ETV6: variants seen among roughly 807,000 people sequenced by gnomAD.
ETV6 encodes ETS variant transcription factor 6.
A neutral mutation model predicts 51.1 loss-of-function variants in ETV6; 16 were observed. That is an observed-to-expected ratio of 0.31 (90% confidence interval 0.21 to 0.48). The LOEUF (loss-of-function observed/expected upper bound fraction) is 0.48. Among genes scored for constraint, ETV6 ranks in the 20% least tolerant of loss-of-function variants. The pLI is 0.99. For missense variants in ETV6, 458 were observed against 594.8 expected (o/e 0.77, Z 2.39); for synonymous variants, 240 against 224.1 (o/e 1.07, Z -0.64).
chr12:11,686,737 G>A (rs1284931453), intron 1 of ETV6, among the ~76,000 whole-genome samples: 4 of 152,084 alleles, frequency 2.6e-5, no homozygotes, highest in African/African-American at 9.7e-5. Flanking sequence ...CATTTGGCCA[G>A]GCTGGTCTCG....
In ETV6 at chr12:11,653,437, C is replaced by T. The variant is rs186079573; in HGVS notation, c.33+3277C>T. On this transcript the variant is annotated intron_variant, in intron 1 of 7. Coordinates refer to ENST00000396373, the MANE Select transcript of ETV6 (RefSeq NM_001987.5). ...CTCCTTCCCTGCTGTCCGTATCAGT[C>T]AGCTTTCATAGCAGAAGGAAATCTG... is the stretch of plus-strand genomic sequence containing the variant. 2.6e-5 allele frequency among the ~76,000 whole-genome samples: 4 copies of T among 152,332 alleles called. No homozygotes were observed. In the East Asian group the frequency reaches 7.7e-4, roughly 29 times the overall value.
chr12:11,771,183 C>T (rs903377488), intron 2 of ETV6, among the ~76,000 whole-genome samples: 1 of 152,224 alleles, frequency 6.6e-6, no homozygotes, highest in Non-Finnish European at 1.5e-5. Context: ...AAAAATAGTG[C>T]ATTGCAGATA....
In ETV6 at chr12:11,874,565, CGTGTGTACACAT is replaced by C. The variant is rs1946940665; in HGVS notation, c.1009+4597_1009+4608del. ...GTGTACACACATATATGTGTATGTGCGTGTGTACACATATATGTGTGTATACACATATATGTG... is the reference window on the plus strand; with the variant it reads ...GTGTACACACATATATGTGTATGTGCATATGTGTGTATACACATATATGTG... On this transcript the variant is annotated intron_variant, in intron 5 of 7. Coordinates refer to ENST00000396373, the MANE Select transcript of ETV6 (RefSeq NM_001987.5). Among the ~76,000 whole-genome samples the C allele has an allele frequency of 1.2e-3, 2 of 1,604 alleles. 1 individual carries two copies. The highest frequency in any genetic ancestry group is 2.4e-3 in the African/African-American group (2 of 834). The allele number at this position is 1,604 out of a possible 152,430, so 1.1% of individuals were successfully genotyped here. A position where few individuals can be genotyped will look rare whatever the true frequency, so the allele number is the denominator to read the frequency against.
intron 2 of ETV6, among the ~76,000 whole-genome samples, chr12:11,825,436 G>A (rs1404860471): frequency 2.0e-5 from 3 of 152,160 alleles, no homozygotes; most frequent in Non-Finnish European, 4.4e-5. Context: ...AGGAGTCTCT[G>A]GGGAAAAAAC....
intron 1 of ETV6, among the ~76,000 whole-genome samples, chr12:11,682,376 T>G (rs1055039179): frequency 6.6e-6 from 1 of 152,348 alleles, no homozygotes; most frequent in Middle Eastern, 3.4e-3. Flanking sequence ...TTTTGAGAAG[T>G]GTCTGTTCAT....
intron 1 of ETV6, among the ~76,000 whole-genome samples, chr12:11,749,349 A>ACACACACC (rs1555123226): frequency 2.4e-5 from 3 of 123,768 alleles, no homozygotes; most frequent in Non-Finnish European, 5.2e-5. Context: ...ACACACACAC[A>ACACACACC]CCCCTACTCC....
At chr12:11,808,776 G>A (rs1049703378) in intron 2 of ETV6, among the ~76,000 whole-genome samples, 3 of 152,162 alleles carry the variant, frequency 2.0e-5, no homozygotes, top group Non-Finnish European at 4.4e-5. Flanking sequence ...AGAGAAGAAA[G>A]TGAGGTACCT....
intron 4 of ETV6, among the ~76,000 whole-genome samples, chr12:11,862,070 C>T (rs1472415565): frequency 6.6e-6 from 1 of 152,206 alleles, no homozygotes; most frequent in Non-Finnish European, 1.5e-5. Context: ...TGTTTGAAAG[C>T]AGTCCTGCCC....
intron 1 of ETV6, among the ~76,000 whole-genome samples, chr12:11,718,962 C>G (rs189671681): frequency 3.2e-4 from 48 of 152,344 alleles, no homozygotes; most frequent in African/African-American, 1.2e-3. Context: ...TCTGGGTTCT[C>G]TCTCTCCTGA....
intron 2 of ETV6, among the ~76,000 whole-genome samples, chr12:11,813,360 G>A (rs1418569807): frequency 1.3e-5 from 2 of 152,196 alleles, no homozygotes; most frequent in Admixed American, 1.3e-4. Flanking sequence ...CACAGGCAGT[G>A]TGAACTGCGG....
chr12:11,877,523 G>A (rs528058337), intron 5 of ETV6, among the ~76,000 whole-genome samples: 19 of 152,226 alleles, frequency 1.2e-4, no homozygotes, highest in African/African-American at 4.3e-4. Flanking sequence ...AAAAGATAGG[G>A]TTGTGGGATG....
chr12:11,815,461 A>G (rs1945977631), intron 2 of ETV6, among the ~76,000 whole-genome samples: 1 of 152,208 alleles, frequency 6.6e-6, no homozygotes, highest in Non-Finnish European at 1.5e-5. Flanking sequence ...AAGTTGGTGC[A>G]TTAGACAAGC....
rs151331690 is a variant in ETV6, at chr12:11,816,433, G to T, written c.164-22707G>T. Among the ~76,000 whole-genome samples, 583 of 152,212 alleles carry T rather than the reference G, an allele frequency of 3.8e-3. 5 individuals are homozygous for T. Among genetic ancestry groups the T allele is most frequent in the African/African-American group, 0.013 (541 of 41,522 alleles). ...CTAAATTTTTTGTATTTTTGGTAGA[G>T]ACGGGGGTTTCACCATGTTAGCCAG... On this transcript the variant is annotated intron_variant, in intron 2 of 7. Transcript: ENST00000396373.
chr12:11,788,251 A>AT (rs1945518482), intron 2 of ETV6, among the ~76,000 whole-genome samples: 1 of 152,258 alleles, frequency 6.6e-6, no homozygotes, highest in South Asian at 2.1e-4. Flanking sequence ...ATTCCAAAAT[A>AT]TTTTTTTAGA....
chr12:11,729,578 C>A (rs543014667), intron 1 of ETV6, among the ~76,000 whole-genome samples: 1 of 152,284 alleles, frequency 6.6e-6, no homozygotes, highest in Admixed American at 6.5e-5. Context: ...TTTGGTATGA[C>A]TGTTGGCAAT....
chr12:11,841,077 TC>T (rs899566832), intron 3 of ETV6, among the ~76,000 whole-genome samples: 1 of 152,212 alleles, frequency 6.6e-6, no homozygotes, highest in Non-Finnish European at 1.5e-5. Context: ...CAAGCTTTCC[TC>T]CCAAGTCTCT....
intron 1 of ETV6, among the ~76,000 whole-genome samples, chr12:11,724,334 A>T (rs1865449295): frequency 1.3e-5 from 2 of 152,154 alleles, no homozygotes; most frequent in African/African-American, 4.8e-5. Flanking sequence ...AGAAAGCTGC[A>T]AGGCCTGTTC....
intron 2 of ETV6, among the ~76,000 whole-genome samples, chr12:11,768,072 C>T (rs560024558): frequency 1.6e-4 from 24 of 152,118 alleles, no homozygotes; most frequent in African/African-American, 5.5e-4. Flanking sequence ...TTCTCCTTGT[C>T]CAAATTGGCT....
chr12:11,874,337 A>G (rs549788867), intron 5 of ETV6, among the ~76,000 whole-genome samples: 65 of 149,364 alleles, frequency 4.4e-4, no homozygotes, highest in African/African-American at 1.5e-3. Flanking sequence ...AGATTATGCC[A>G]CTGCACTCCA....
Sources: gnomAD v4.1 joint callset for allele counts (sites outside exome capture counted in the v4.1 genomes callset) on GRCh38, gnomAD v4.1.1 for gene constraint, MANE v1.5 for transcripts, NCBI Gene and HGNC (gene_info 2026-07-23, HGNC 2026-07-21) for gene names.